RGS7: variants seen among roughly 807,000 people sequenced by gnomAD.
RGS7 encodes regulator of G-protein signaling 7.
In RGS7, 27 loss-of-function variants were observed where a neutral mutation model predicts 81.1. The ratio of observed to expected loss-of-function variants is 0.33; its 90% CI spans 0.25 to 0.46. The LOEUF is 0.46. Among genes scored for constraint, RGS7 ranks in the 20% least tolerant of loss-of-function variants. RGS7 has a pLI of 1.00. For missense variants in RGS7, 396 were observed against 607.4 expected, an observed-to-expected ratio of 0.65 and a Z score of 3.66; for synonymous variants, 208 against 207.7, an observed-to-expected ratio of 1.00 and a Z score of -0.01.
chr1:241,192,252 CGTGTGTGTGT>C (rs56677676), intron 2 of RGS7, among the ~76,000 whole-genome samples: 5 of 124,672 alleles, frequency 4.0e-5, no homozygotes, highest in Non-Finnish European at 6.6e-5. Flanking sequence ...TCTGTCTGCA[CGTGTGTGTGT>C]GTGTGTGTGT....
At chr1:241,307,332 A>G (rs1321570697) in intron 2 of RGS7, among the ~76,000 whole-genome samples, 4 of 152,226 alleles carry the variant, frequency 2.6e-5, no homozygotes, top group Non-Finnish European at 5.9e-5. Context: ...GAAGAATCTA[A>G]CAGGAGTTCA....
chr1:241,250,989 T>C (rs1010921250), intron 2 of RGS7, among the ~76,000 whole-genome samples: 1 of 152,212 alleles, frequency 6.6e-6, no homozygotes, highest in Admixed American at 6.5e-5. Context: ...GCTCAGTAAG[T>C]GTCCTTAATT....
intron 2 of RGS7, among the ~76,000 whole-genome samples, chr1:241,244,020 T>G (rs1340109903): frequency 6.6e-6 from 1 of 152,196 alleles, no homozygotes; most frequent in Non-Finnish European, 1.5e-5. Flanking sequence ...TAGCGGGCAG[T>G]GAAATGCCTA....
intron 3 of RGS7, among the ~76,000 whole-genome samples, chr1:241,058,590 A>G (rs1247732965): frequency 6.6e-6 from 1 of 152,186 alleles, no homozygotes; most frequent in Non-Finnish European, 1.5e-5. Flanking sequence ...CAGCTAACAT[A>G]TTTTGTTGCC....
intron 2 of RGS7, among the ~76,000 whole-genome samples, chr1:241,170,364 A>T (rs2070639614): frequency 6.6e-6 from 1 of 152,192 alleles, no homozygotes; most frequent in Admixed American, 6.5e-5. Flanking sequence ...ATATTTTACA[A>T]GTAAAATCTG....
chr1:241,299,657 T>C (rs1272844650), intron 2 of RGS7, among the ~76,000 whole-genome samples: 1 of 152,038 alleles, frequency 6.6e-6, no homozygotes, highest in Non-Finnish European at 1.5e-5. Flanking sequence ...AATATAGTGT[T>C]AATTTTCATT....
At chr1:240,852,607 T>G (rs1558354471) in intron 9 of RGS7, among the ~76,000 whole-genome samples, 1 of 152,168 alleles carries the variant, frequency 6.6e-6, no homozygotes. Flanking sequence ...ATAAACTAAC[T>G]GTTATTATCT....
intron 2 of RGS7, among the ~76,000 whole-genome samples, chr1:241,142,112 G>A (rs1057483412): frequency 1.3e-5 from 2 of 152,208 alleles, no homozygotes; most frequent in Admixed American, 6.5e-5. Context: ...GATGCAAGAC[G>A]TGGGTCCCCA....
chr1:240,833,704 C>T (rs1416313979), intron 9 of RGS7, among the ~76,000 whole-genome samples: 1 of 152,042 alleles, frequency 6.6e-6, no homozygotes, highest in Admixed American at 6.6e-5. Context: ...TCCATAGTAC[C>T]CCAGTAAGAA....
At chr1:241,183,299 C>T (rs12030218) in intron 2 of RGS7, among the ~76,000 whole-genome samples, 1 of 152,200 alleles carries the variant, frequency 6.6e-6, no homozygotes, top group Admixed American at 6.5e-5. Flanking sequence ...TGGTTGCGTG[C>T]CTATCTATGG....
At chr1:241,159,807 A>G (rs570858278) in intron 2 of RGS7, among the ~76,000 whole-genome samples, 8 of 151,890 alleles carry the variant, frequency 5.3e-5, no homozygotes, top group African/African-American at 1.9e-4. Context: ...AGAAAGGGAG[A>G]GGGTGTTCTA....
At chr1:241,269,012 G>T (rs1021987738) in intron 2 of RGS7, among the ~76,000 whole-genome samples, 2 of 152,164 alleles carry the variant, frequency 1.3e-5, no homozygotes, top group Non-Finnish European at 2.9e-5. Context: ...CTCATTTATT[G>T]GTTTAGTACG....
chr1:241,338,776 T>C (rs2082377293), intron 2 of RGS7, among the ~76,000 whole-genome samples: 1 of 151,252 alleles, frequency 6.6e-6, no homozygotes. Context: ...TGGAAATTAC[T>C]TGTAAATCTG....
intron 3 of RGS7, among the ~76,000 whole-genome samples, chr1:241,078,378 C>A (rs1572582422): frequency 1.7e-5 from 2 of 114,356 alleles, no homozygotes; most frequent in Admixed American, 9.5e-5. Flanking sequence ...CACAGATCAC[C>A]AAAATAGTAT....
intron 3 of RGS7, among the ~76,000 whole-genome samples, chr1:241,064,306 C>T (rs1420143750): frequency 6.6e-6 from 1 of 151,326 alleles, no homozygotes; most frequent in Non-Finnish European, 1.5e-5. Context: ...GCAGATTCTG[C>T]TGGGTGTGGC....
intron 2 of RGS7, among the ~76,000 whole-genome samples, chr1:241,300,064 G>A (rs1452657087): frequency 3.3e-5 from 5 of 151,370 alleles, no homozygotes; most frequent in East Asian, 1.9e-4. Flanking sequence ...GCAGTGAGCC[G>A]TGATCACGCC....
chr1:240,806,078 A>G, intron 15 of RGS7, 62 bp downstream of exon 15: 1 of 1,380,594 alleles, frequency 7.2e-7, no homozygotes, highest in East Asian at 2.3e-5. Context: ...AATAAAATGA[A>G]TACATCTAAC....
intron 3 of RGS7, among the ~76,000 whole-genome samples, chr1:241,057,221 A>G (rs1236599309): frequency 2.0e-5 from 3 of 152,178 alleles, no homozygotes; most frequent in Non-Finnish European, 4.4e-5. Context: ...AACATTGGTA[A>G]GAAATAGGAA....
intron 2 of RGS7, among the ~76,000 whole-genome samples, chr1:241,147,780 T>TTACATACATA (rs1553268796): frequency 2.2e-5 from 1 of 44,604 alleles, no homozygotes; most frequent in African/African-American, 6.5e-5. Context: ...AGATTAAGTT[T>TTACATACATA]TATATATATA....
Sources: allele counts gnomAD v4.1 joint callset (sites outside exome capture counted in the v4.1 genomes callset), GRCh38; gene constraint gnomAD v4.1.1; transcripts MANE v1.5; gene names NCBI Gene and HGNC (gene_info 2026-07-23, HGNC 2026-07-21).